ERCC8: variants seen among roughly 807,000 people sequenced by gnomAD.
ERCC8 encodes the protein ERCC excision repair 8, CSA ubiquitin ligase complex subunit.
ERCC8 carries 52 observed loss-of-function variants against 54.9 expected under a neutral mutation model. That is an observed-to-expected ratio of 0.95 (90% CI 0.76 to 1.19). ERCC8 has a LOEUF of 1.19. ERCC8 is among the 50% of genes most tolerant of loss of function. ERCC8 has a pLI of 0.00. For missense variants in ERCC8, 514 were observed against 466.1 expected, an observed-to-expected ratio of 1.10 and a Z score of -0.95; for synonymous variants, 146 against 157.2, an observed-to-expected ratio of 0.93 and a Z score of 0.53.
At chr5:60,904,421 A>G (rs1450209483) in intron 5 of ERCC8, among the ~76,000 whole-genome samples, 1 of 151,652 alleles carries the variant, frequency 6.6e-6, no homozygotes, top group Admixed American at 6.6e-5. Context: ...TAGAGAAAGA[A>G]AGAATTTCCT....
intron 11 of ERCC8, among the ~76,000 whole-genome samples, chr5:60,880,466 A>G (rs971845607): frequency 4.6e-5 from 7 of 152,208 alleles, no homozygotes; most frequent in African/African-American, 1.7e-4. Flanking sequence ...GTGTTTTCCA[A>G]CTTGGTTCCA....
At chr5:60,910,055 G>A (rs1749211820) in intron 4 of ERCC8, 1 of 152,084 alleles carries the variant, frequency 6.6e-6, no homozygotes, top group Non-Finnish European at 1.5e-5. Flanking sequence ...AATCCAGAAG[G>A]CTACCAATTA....
Position 60,871,321 on chromosome 5 carries a change from G to A in ERCC8, c.*3294C>T, listed in dbSNP as rs1287588021. On this transcript the variant is annotated 3_prime_UTR_variant, in exon 12 of 12. Transcript: ENST00000676185. The stretch of plus-strand genomic sequence containing the variant: ...TTTGTTATAACAAATGACAGAGAGG[G>A]ATTTATATAAGCTGTAACTGCAAAA... Among the ~76,000 whole-genome samples, 2 of 152,040 alleles carry A rather than the reference G, an allele frequency of 1.3e-5. No homozygotes were observed. Among genetic ancestry groups the A allele is most frequent in the Non-Finnish European group, 2.9e-5 (2 of 68,016 alleles).
chr5:60,880,297 C>T (rs9686404), intron 11 of ERCC8, among the ~76,000 whole-genome samples: 2,390 of 152,250 alleles, frequency 0.016, 74 homozygotes, highest in African/African-American at 0.055. Context: ...CTGCCCTTAA[C>T]ATTTTTTCCT....
intron 11 of ERCC8, among the ~76,000 whole-genome samples, chr5:60,876,630 G>C (rs1335548410): frequency 6.6e-6 from 1 of 152,200 alleles, no homozygotes; most frequent in Non-Finnish European, 1.5e-5. Context: ...CTGATGGCCA[G>C]TGATGATGAG....
chr5:60,919,221 G>C (rs915529179), intron 3 of ERCC8, among the ~76,000 whole-genome samples: 4 of 152,010 alleles, frequency 2.6e-5, no homozygotes. Context: ...ATAAACGATA[G>C]GTTGTTCGAG....
rs997139670 is a variant in ERCC8, at chr5:60,867,978, C to T, written c.*6637G>A. On this transcript the variant is annotated 3_prime_UTR_variant, in exon 12 of 12. Transcript: ENST00000676185. ...GGCAGATCACCTGAGGTCAGGAGTT[C>T]GAGACCAGCCAGACCAACATGGAGA... Among the ~76,000 whole-genome samples the T allele has an allele frequency of 3.3e-5, 5 of 152,244 alleles. No individual in the cohort carries two copies. Among genetic ancestry groups the T allele is most frequent in the African/African-American group, 7.2e-5 (3 of 41,560 alleles).
At position 60,922,175 on chromosome 5, in the gene ERCC8, C is replaced by A; in HGVS notation, c.174-20G>T. 6.8e-7 allele frequency: 1 copy of A among 1,466,224 alleles called. No individual in the cohort carries two copies. The highest frequency in any genetic ancestry group is 9.5e-7 in the Non-Finnish European group (1 of 1,048,676). 90.8% of individuals were successfully genotyped at this position (1,466,224 alleles called of 1,614,324 possible). On this transcript the variant is annotated intron_variant, in intron 2 of 11. Coordinates refer to ENST00000676185, the MANE Select transcript of ERCC8 (RefSeq NM_000082.4). ...AACATGCTGATAATAAAAAAGTTCA[C>A]ATTAATTTATCATTTTATTTATTAT... is the stretch of plus-strand genomic sequence containing the variant.
At position 60,866,851 on chromosome 5, in the gene ERCC8, CCTTT is replaced by C. The variant is rs1490484957; in HGVS notation, c.*7760_*7763del. On this transcript the variant is annotated 3_prime_UTR_variant, in exon 12 of 12. Transcript: ENST00000676185. ...TTCTATTCCAGTTTTCTGTCCCCTT[CCTTT>C]TTTTTTTGAGATGGAGTCTCGCTCT... is the stretch of plus-strand genomic sequence containing the variant. The C allele has an allele frequency of 1.3e-5, 2 of 152,080 alleles. No individual in the cohort carries two copies. The highest frequency in any genetic ancestry group is 2.9e-5 in the Non-Finnish European group (2 of 68,020). 9.4% of individuals were successfully genotyped at this position (152,080 alleles called of 1,614,324 possible).
rs17332824 is a variant in ERCC8, at chr5:60,870,360, C to G, written c.*4255G>C. 0.34 allele frequency among the ~76,000 whole-genome samples: 52,019 copies of G among 151,308 alleles called. 11,041 individuals are homozygous for G. The highest frequency in any genetic ancestry group is 0.8 in the East Asian group (4,128 of 5,140). ...AAGACAATGAAAGAGAAGTCGAAGT[C>G]AGGCCCGGCACGGTGGCTCACGCCT... On this transcript the variant is annotated 3_prime_UTR_variant, in exon 12 of 12. Transcript: ENST00000676185.
intron 6 of ERCC8, 23 bp downstream of exon 6, chr5:60,903,625 C>T (rs372826255): frequency 6.9e-5 from 111 of 1,611,254 alleles, no homozygotes; most frequent in Non-Finnish European, 8.6e-5. Flanking sequence ...AAGTAGTTGC[C>T]GTTTGAAATA....
chr5:60,937,859 G>A lies in ERCC8; in HGVS notation c.77+7073C>T, dbSNP rs564145557. The stretch of plus-strand genomic sequence containing the variant: ...GGTAGTTCTTATAGCAAAAGTTCAC[G>A]ATATGCATCTCCATACACTGCTCTG... On this transcript the variant is annotated intron_variant, in intron 1 of 11. Transcript: ENST00000676185. 2.2e-4 allele frequency among the ~76,000 whole-genome samples: 34 copies of A among 151,980 alleles called. No homozygotes were observed. The East Asian group carries it at 5.4e-3, about 24-fold the overall frequency.
At chr5:60,928,354 T>C (rs1287982298) in intron 2 of ERCC8, among the ~76,000 whole-genome samples, 1 of 152,196 alleles carries the variant, frequency 6.6e-6, no homozygotes, top group East Asian at 1.9e-4. Flanking sequence ...ATTATCTCAA[T>C]CTTCAAAACA....
In ERCC8 at chr5:60,873,499, A is replaced by T. The variant is rs550144367; in HGVS notation, c.*1116T>A. On this transcript the variant is annotated 3_prime_UTR_variant, in exon 12 of 12. Coordinates refer to ENST00000676185, the MANE Select transcript of ERCC8 (RefSeq NM_000082.4). Reference sequence around the variant, plus strand: ...CAACCAGCCTGGCCAACATGGTGAAACCCCATCTCTACTGAAAATACAAAA... The same window carrying T: ...CAACCAGCCTGGCCAACATGGTGAATCCCCATCTCTACTGAAAATACAAAA... Among the ~76,000 whole-genome samples, 6 of 152,208 alleles carry T rather than the reference A, an allele frequency of 3.9e-5. No homozygotes were observed. Among genetic ancestry groups the T allele is most frequent in the Admixed American group, 2.6e-4 (4 of 15,288 alleles).
At chr5:60,935,376 A>G (rs1378517731) in intron 1 of ERCC8, among the ~76,000 whole-genome samples, 1 of 152,108 alleles carries the variant, frequency 6.6e-6, no homozygotes, top group Non-Finnish European at 1.5e-5. Context: ...TGACTTGTGT[A>G]TGTTAATTTT....
chr5:60,915,651 C>T (rs774831816), intron 4 of ERCC8, among the ~76,000 whole-genome samples: 1 of 151,966 alleles, frequency 6.6e-6, no homozygotes, highest in Admixed American at 6.6e-5. Flanking sequence ...AGAGACCACC[C>T]ACATTTCTTG....
In ERCC8 at chr5:60,867,116, G is replaced by A. The variant is rs558777572; in HGVS notation, c.*7499C>T. 1.3e-5 allele frequency among the ~76,000 whole-genome samples: 2 copies of A among 152,034 alleles called. No homozygotes were observed. The highest frequency in any genetic ancestry group is 6.6e-5 in the Admixed American group (1 of 15,262). On this transcript the variant is annotated 3_prime_UTR_variant, in exon 12 of 12. Transcript: ENST00000676185. ...CTCCCAAAGTGCTGGGATTATAGGC[G>A]TGAGCCACCATGCCCAGCCCTTCCT...
chr5:60,889,176 C>A (rs560198313), intron 10 of ERCC8, among the ~76,000 whole-genome samples: 1 of 152,126 alleles, frequency 6.6e-6, no homozygotes, highest in Non-Finnish European at 1.5e-5. Flanking sequence ...TTAGATTATT[C>A]GATGAAGGTG....
intron 9 of ERCC8, among the ~76,000 whole-genome samples, chr5:60,894,007 CAG>C (rs1163439419): frequency 9.0e-5 from 12 of 133,078 alleles, no homozygotes; most frequent in Non-Finnish European, 1.6e-4. Context: ...TTTTTTGAGA[CAG>C]AGTCTTGCTC....
Sources: allele counts gnomAD v4.1 joint callset (sites outside exome capture counted in the v4.1 genomes callset), GRCh38; gene constraint gnomAD v4.1.1; transcripts MANE v1.5; gene names NCBI Gene and HGNC (gene_info 2026-07-23, HGNC 2026-07-21).